Variants in C8orf74 observed in about 807,000 individuals in gnomAD.
C8orf74 encodes uncharacterized protein C8orf74.
In C8orf74, 29 loss-of-function variants were observed where a neutral mutation model predicts 22.2. The observed-to-expected ratio is 1.31, with a 90% CI of 0.97 to 1.78. The LOEUF (loss-of-function observed/expected upper bound fraction) is 1.78, where lower values mean the gene tolerates loss of function less well. Ranked by LOEUF, C8orf74 falls within the 40% of genes most tolerant of loss-of-function variation. The probability of loss-of-function intolerance (pLI) is 0.00; values close to 1 mark genes in which losing one functional copy is unlikely to be tolerated. For synonymous variants in C8orf74, 255 were observed against 163.1 expected (o/e 1.56, Z -4.30); for missense variants, 515 against 369.9 (o/e 1.39, Z -3.22).
chr8:10,694,839 A>T (rs1412765782), intron 2 of C8orf74, among the ~76,000 whole-genome samples: 1 of 152,124 alleles, frequency 6.6e-6, no homozygotes, highest in Non-Finnish European at 1.5e-5. Flanking sequence ...TGGATAAACA[A>T]ACGGGTGGAA....
chr8:10,693,556 G>C (rs779074091), intron 2 of C8orf74, among the ~76,000 whole-genome samples: 5 of 152,128 alleles, frequency 3.3e-5, no homozygotes, highest in African/African-American at 4.8e-5. Context: ...ACTTTGATTG[G>C]GCCCCTCCTG....
Position 10,679,606 on chromosome 8 carries a change from T to C in C8orf74, c.241+4768T>C, listed in dbSNP as rs571798387. 4.6e-5 allele frequency among the ~76,000 whole-genome samples: 7 copies of C among 152,328 alleles called. No individual in the cohort carries two copies. The South Asian group carries it at 1.4e-3, about 32-fold the overall frequency. Reference sequence around the variant, plus strand: ...TCCTGACTAAGCCTCTCCCCGTCCTTGGATCGCATCACCCAGAGCTGATCT... The same window carrying C: ...TCCTGACTAAGCCTCTCCCCGTCCTCGGATCGCATCACCCAGAGCTGATCT... On this transcript the variant is annotated intron_variant, in intron 2 of 3. Coordinates refer to ENST00000304519, the MANE Select transcript of C8orf74 (RefSeq NM_001040032.2).
chr8:10,676,812 C>T (rs946214865), intron 2 of C8orf74, among the ~76,000 whole-genome samples: 7 of 152,152 alleles, frequency 4.6e-5, no homozygotes, highest in Admixed American at 2.6e-4. Context: ...AGTTCAATCC[C>T]GGTGTCTGAG....
chr8:10,688,943 C>T (rs544816675), intron 2 of C8orf74: 6 of 152,232 alleles, frequency 3.9e-5, no homozygotes, highest in Non-Finnish European at 7.3e-5. Flanking sequence ...CTCTTCCTGA[C>T]AATCCTGCCT....
At chr8:10,673,361 G>A (rs1216211803) in intron 1 of C8orf74, among the ~76,000 whole-genome samples, 2 of 152,126 alleles carry the variant, frequency 1.3e-5, no homozygotes, top group African/African-American at 4.8e-5. Context: ...CAAGTAAAAT[G>A]GGTTTTTACT....
chr8:10,698,258 G>C (rs779641568), intron 3 of C8orf74, among the ~76,000 whole-genome samples: 3 of 152,230 alleles, frequency 2.0e-5, no homozygotes, highest in Non-Finnish European at 4.4e-5. Flanking sequence ...GCATATGGTA[G>C]AGTTCACATT....
At chr8:10,695,937 T>C (rs187643370) in intron 2 of C8orf74, among the ~76,000 whole-genome samples, 2 of 152,170 alleles carry the variant, frequency 1.3e-5, no homozygotes, top group Non-Finnish European at 2.9e-5. Flanking sequence ...AAGCCCTCAT[T>C]CTTCAGAGGG....
At position 10,697,882 on chromosome 8, in the gene C8orf74, G is replaced by A. The variant is rs761553409; in HGVS notation, c.525G>A (p.Glu175=). 18 of 1,612,166 alleles carry A rather than the reference G, an allele frequency of 1.1e-5. No homozygotes were observed. Among genetic ancestry groups the A allele is most frequent in the Non-Finnish European group, 1.5e-5 (18 of 1,178,910 alleles). ...AGGTGGCCACACTGACGGAGGCCGAGGCACAGAAGCGCGCCGACGTGCTGC... is the reference window on the plus strand; with the variant it reads ...AGGTGGCCACACTGACGGAGGCCGAAGCACAGAAGCGCGCCGACGTGCTGC... ...EQQVATLTEA[E]AQKRADVLLL... Residue 175 remains glutamate (E), a synonymous_variant, in exon 3 of 4, where the codon GAG becomes GAA. Coordinates refer to ENST00000304519, the MANE Select transcript of C8orf74 (RefSeq NM_001040032.2).
chr8:10,680,770 C>T (rs11773917), intron 2 of C8orf74, among the ~76,000 whole-genome samples: 2,739 of 152,274 alleles, frequency 0.018, 35 homozygotes, highest in Middle Eastern at 0.051. Flanking sequence ...CAGGAGGGGG[C>T]CCAGGCGGCC....
chr8:10,688,866 A>G (rs1265393726), intron 2 of C8orf74: 1 of 152,190 alleles, frequency 6.6e-6, no homozygotes, highest in African/African-American at 2.4e-5. Flanking sequence ...AGATCAACAG[A>G]CCACGGACCC....
At chr8:10,684,201 G>A (rs1799214180) in intron 2 of C8orf74, among the ~76,000 whole-genome samples, 1 of 152,250 alleles carries the variant, frequency 6.6e-6, no homozygotes, top group African/African-American at 2.4e-5. Context: ...TTCAACTGAA[G>A]TTCAGAGAGG....
chr8:10,691,803 T>C (rs1367997135), intron 2 of C8orf74: 1 of 152,328 alleles, frequency 6.6e-6, no homozygotes, highest in Non-Finnish European at 1.5e-5. Context: ...TGTTCCGTGA[T>C]GAAGTCAACT....
chr8:10,683,130 C>T (rs1799187330), intron 2 of C8orf74, among the ~76,000 whole-genome samples: 1 of 152,186 alleles, frequency 6.6e-6, no homozygotes, highest in African/African-American at 2.4e-5. Flanking sequence ...GGCGAGTGGG[C>T]CAGGGCTGCG....
rs925152318 is a variant in C8orf74, at chr8:10,697,987, C to A, written c.630C>A (p.Gly210=). The change falls in exon 3 of 4, where the codon GGC becomes GGA. Residue 210 remains glycine (G), a synonymous_variant. Coordinates refer to ENST00000304519, the MANE Select transcript of C8orf74 (RefSeq NM_001040032.2). The part of the protein sequence containing the change: ...AFAAAAPAQP[G]QVLERQELES... ...CTGCCGCCGCGCCTGCGCAGCCCGGCCAGGTCCTGGAGAGACAGGTGAGGC... is the reference window on the plus strand; with the variant it reads ...CTGCCGCCGCGCCTGCGCAGCCCGGACAGGTCCTGGAGAGACAGGTGAGGC... 11 of 1,500,932 alleles carry A rather than the reference C, an allele frequency of 7.3e-6. No homozygotes were observed. The Admixed American group carries it at 1.4e-4, about 19-fold the overall frequency. The allele number at this position is 1,500,932 out of a possible 1,614,324, so 93.0% of individuals were successfully genotyped here. A position where few individuals can be genotyped will look rare whatever the true frequency, so the allele number is the denominator to read the frequency against.
intron 2 of C8orf74, among the ~76,000 whole-genome samples, chr8:10,676,678 G>A (rs1393080700): frequency 6.6e-6 from 1 of 152,046 alleles, no homozygotes; most frequent in African/African-American, 2.4e-5. Flanking sequence ...CTCACAGGCT[G>A]GACTCAGAGA....
intron 2 of C8orf74, among the ~76,000 whole-genome samples, chr8:10,686,267 T>C (rs1026889773): frequency 6.6e-5 from 10 of 152,202 alleles, no homozygotes; most frequent in African/African-American, 2.2e-4. Context: ...TGAGACCTGA[T>C]TTTGCTACTG....
chr8:10,695,659 G>T (rs751843513), intron 2 of C8orf74, among the ~76,000 whole-genome samples: 7 of 152,190 alleles, frequency 4.6e-5, no homozygotes, highest in Non-Finnish European at 8.8e-5. Flanking sequence ...GGAATGGGGG[G>T]TGGGGAGACT....
chr8:10,681,370 G>A (rs190700677), intron 2 of C8orf74, among the ~76,000 whole-genome samples: 76 of 152,318 alleles, frequency 5.0e-4, no homozygotes, highest in African/African-American at 1.7e-3. Flanking sequence ...CCGTGGCACA[G>A]AGGGGCGGGA....
intron 2 of C8orf74, chr8:10,690,786 G>A (rs935718124): frequency 4.5e-5 from 20 of 444,408 alleles, no homozygotes; most frequent in Non-Finnish European, 8.2e-5. Flanking sequence ...GGAGCTTCCC[G>A]TGCTGACATC....
Sources: allele counts gnomAD v4.1 joint callset (sites outside exome capture counted in the v4.1 genomes callset), GRCh38; gene constraint gnomAD v4.1.1; transcripts MANE v1.5; gene names NCBI Gene and HGNC (gene_info 2026-07-23, HGNC 2026-07-21).